The following TP53BP1 variants were observed in gnomAD, a reference collection of about 807,000 sequenced individuals.
TP53BP1 encodes TP53-binding protein 1.
Under a neutral mutation model 200.8 loss-of-function variants are expected in TP53BP1, and 61 were observed. That is an observed-to-expected ratio of 0.30 (90% confidence interval 0.25 to 0.38). TP53BP1 has a LOEUF of 0.38. Ranked by LOEUF, TP53BP1 falls within the 10% of genes least tolerant of loss-of-function variation. The probability of loss-of-function intolerance (pLI) is 1.00; values close to 1 mark genes in which losing one functional copy is unlikely to be tolerated. For synonymous variants in TP53BP1, 822 were observed against 844.3 expected (o/e 0.97, Z 0.46); for missense variants, 2,144 against 2,371.9 (o/e 0.90, Z 2.00).
chr15:43,479,851 T>C lies in TP53BP1; in HGVS notation c.658+8A>G, dbSNP rs1227092885. ...ACAACTCCAAATGCCAGAAAACATG[T>C]TTCATACCAGTATTAGCATCCACAT... On this transcript the variant is annotated splice_region_variant and intron_variant, in intron 6 of 27. Coordinates refer to ENST00000382044, the MANE Select transcript of TP53BP1 (RefSeq NM_001141980.3). The C allele has an allele frequency of 6.2e-7, 1 of 1,613,972 alleles. No homozygotes were observed. Among genetic ancestry groups the C allele is most frequent in the Admixed American group, 1.7e-5 (1 of 59,996 alleles).
chr15:43,476,738 G>A (rs554194033), intron 8 of TP53BP1, among the ~76,000 whole-genome samples: 2 of 152,232 alleles, frequency 1.3e-5, no homozygotes, highest in African/African-American at 4.8e-5. Flanking sequence ...TTCCCTTCCC[G>A]CCTTACAACC....
chr15:43,408,959 C>T lies in TP53BP1; in HGVS notation c.5538G>A (p.Gln1846=). 1.9e-6 allele frequency: 3 copies of T among 1,614,164 alleles called. No individual in the cohort carries two copies. Among genetic ancestry groups the T allele is most frequent in the Non-Finnish European group, 2.5e-6 (3 of 1,180,030 alleles). The change falls in exon 26 of 28, where the codon CAG becomes CAA. Residue 1846 remains glutamine (Q), a synonymous_variant. Transcript: ENST00000382044. ...CTGGCAACAGATAATTACGGTAGTTCTGGAGCTGGTTGGCATGGCAACTAT... is the reference window on the plus strand; with the variant it reads ...CTGGCAACAGATAATTACGGTAGTTTTGGAGCTGGTTGGCATGGCAACTAT... The part of the protein sequence containing the change: ...VHDSCHANQL[Q]NYRNYLLPAG...
intron 23 of TP53BP1, chr15:43,414,198 C>G (rs148402971): frequency 3.9e-5 from 17 of 436,948 alleles, no homozygotes; most frequent in African/African-American, 3.5e-4. Context: ...GAAGTGAAGA[C>G]CACCAAAGTT....
chr15:43,413,363 A>G, intron 23 of TP53BP1, 29 bp from the exon 24 acceptor site: 1 of 1,591,058 alleles, frequency 6.3e-7, no homozygotes, highest in Non-Finnish European at 8.6e-7. Flanking sequence ...CAGTTACTAG[A>G]GGGATACACA....
intron 12 of TP53BP1, among the ~76,000 whole-genome samples, chr15:43,451,941 C>A (rs1472888169): frequency 6.6e-6 from 1 of 152,166 alleles, no homozygotes; most frequent in African/African-American, 2.4e-5. Flanking sequence ...TCGAGACCAG[C>A]CTGGCCAACA....
chr15:43,504,961 A>G (rs1018668399), intron 1 of TP53BP1, among the ~76,000 whole-genome samples: 1 of 152,198 alleles, frequency 6.6e-6, no homozygotes, highest in East Asian at 1.9e-4. Context: ...CGGAGGTTGC[A>G]GTGAGCCGAG....
At chr15:43,451,412 T>C (rs1488789704) in intron 12 of TP53BP1, among the ~76,000 whole-genome samples, 1 of 149,294 alleles carries the variant, frequency 6.7e-6, no homozygotes, top group African/African-American at 2.5e-5. Context: ...TCTATTCCCA[T>C]CTATGAGTGA....
chr15:43,482,762 C>T (rs1198686306), intron 4 of TP53BP1, among the ~76,000 whole-genome samples: 4 of 151,022 alleles, frequency 2.6e-5, no homozygotes, highest in Non-Finnish European at 5.9e-5. Flanking sequence ...GGCGAGACTC[C>T]GTCTCAAAAA....
intron 11 of TP53BP1, among the ~76,000 whole-genome samples, chr15:43,468,822 G>C (rs1259912140): frequency 2.0e-5 from 3 of 152,184 alleles, no homozygotes; most frequent in African/African-American, 7.2e-5. Context: ...ACAGAGCCAG[G>C]AGCGAGTCCA....
At chr15:43,410,858 T>C (rs776156171) in intron 24 of TP53BP1, among the ~76,000 whole-genome samples, 2 of 152,190 alleles carry the variant, frequency 1.3e-5, no homozygotes, top group Non-Finnish European at 2.9e-5. Flanking sequence ...AGCCAACCTA[T>C]TCACTTTTAC....
At chr15:43,502,755 T>C (rs1385475106) in intron 1 of TP53BP1, among the ~76,000 whole-genome samples, 1 of 149,748 alleles carries the variant, frequency 6.7e-6, no homozygotes, top group Non-Finnish European at 1.5e-5. Flanking sequence ...CACCGTGCCC[T>C]GCCATTTGTT....
intron 1 of TP53BP1, among the ~76,000 whole-genome samples, chr15:43,492,810 T>C (rs1231822205): frequency 7.8e-6 from 1 of 127,400 alleles, no homozygotes; most frequent in African/African-American, 3.0e-5. Context: ...CCCAAAAGAA[T>C]GTTTTCTAAA....
Position 43,485,197 on chromosome 15 carries a change from C to T in TP53BP1, c.372-4175G>A, listed in dbSNP as rs2079028471. Among the ~76,000 whole-genome samples, 3 of 152,146 alleles carry T rather than the reference C, an allele frequency of 2.0e-5. No individual in the cohort carries two copies. The South Asian group carries it at 6.2e-4, about 31-fold the overall frequency. On this transcript the variant is annotated intron_variant, in intron 4 of 27. Transcript: ENST00000382044. The stretch of plus-strand genomic sequence containing the variant: ...GCTATACCCTACACAAGAATGTAAG[C>T]TACATTAAGGTCTAGGATTTTTATT...
At chr15:43,461,738 C>T (rs1251554831) in intron 11 of TP53BP1, among the ~76,000 whole-genome samples, 5 of 151,460 alleles carry the variant, frequency 3.3e-5, no homozygotes, top group Admixed American at 6.6e-5. Flanking sequence ...GCACCATCTC[C>T]GCTCACTGCA....
Position 43,404,345 on chromosome 15 carries a change from G to GC in TP53BP1, c.*3037dup. 6.3e-7 allele frequency: 1 copy of GC among 1,582,292 alleles called. No individual in the cohort carries two copies. Among genetic ancestry groups the GC allele is most frequent in the Non-Finnish European group, 8.6e-7 (1 of 1,160,346 alleles). ...GCTTTTCCAAGAAACTCCTCCCTCC[G>GC]CCCCCATCCTCCATATGGAGAGTTG... is the stretch of plus-strand genomic sequence containing the variant. On this transcript the variant is annotated 3_prime_UTR_variant, in exon 28 of 28. Transcript: ENST00000382044.
intron 24 of TP53BP1, among the ~76,000 whole-genome samples, chr15:43,412,059 T>G (rs1403861813): frequency 6.6e-6 from 1 of 152,150 alleles, no homozygotes; most frequent in Non-Finnish European, 1.5e-5. Flanking sequence ...CCTATCTGAT[T>G]GTTTGACAAG....
intron 20 of TP53BP1, 114 bp from the exon 21 acceptor site, chr15:43,420,849 C>T (rs2045379418): frequency 1.6e-6 from 2 of 1,288,716 alleles, no homozygotes; most frequent in African/African-American, 1.5e-5. Context: ...TCTTTAAAAA[C>T]CCCATCACAG....
At position 43,419,536 on chromosome 15, in the gene TP53BP1, CTTTTTTTTTT is replaced by C. The variant is rs34159488; in HGVS notation, c.4681+759_4681+768del. 5.6e-3 allele frequency among the ~76,000 whole-genome samples: 409 copies of C among 73,412 alleles called. 1 individual carries two copies. The highest frequency in any genetic ancestry group is 0.036 in the Middle Eastern group (4 of 110). The allele number at this position is 73,412 out of a possible 152,430, so 48.2% of individuals were successfully genotyped here. On this transcript the variant is annotated intron_variant, in intron 21 of 27. Coordinates refer to ENST00000382044, the MANE Select transcript of TP53BP1 (RefSeq NM_001141980.3). Reference sequence around the variant, plus strand: ...CCCCATGCCCAGCTAATTTATGTTCCTTTTTTTTTTTTTTTTTTTTTTTTTTTTGAGAGAC... The same window carrying C: ...CCCCATGCCCAGCTAATTTATGTTCCTTTTTTTTTTTTTTTTTTGAGAGAC...
rs1316454427 is a variant in TP53BP1, at chr15:43,408,984, T to A, written c.5513A>T (p.Asp1838Val). The stretch of plus-strand genomic sequence containing the variant: ...CTGGAGCTGGTTGGCATGGCAACTA[T>A]CATGGACCCAGACATGAGACACACA... ...IPCVSHVWVH[D>V]SCHANQLQNY... The change falls in exon 26 of 28, where the codon GAT (aspartate) becomes GTT (valine). Residue 1838 changes from aspartate (D) to valine (V), a missense_variant. Asp to Val is a radical substitution (Grantham distance 152). Around this residue, in one of 4 missense-constraint regions of TP53BP1, gnomAD observed 334 missense variants for 453.4 expected, o/e 0.74. Coordinates refer to ENST00000382044, the MANE Select transcript of TP53BP1 (RefSeq NM_001141980.3). 1.9e-6 allele frequency: 3 copies of A among 1,614,076 alleles called. No homozygotes were observed. Among genetic ancestry groups the A allele is most frequent in the Non-Finnish European group, 2.5e-6 (3 of 1,180,040 alleles).
Sources: allele counts gnomAD v4.1 joint callset (sites outside exome capture counted in the v4.1 genomes callset), GRCh38; gene constraint gnomAD v4.1.1; regional missense constraint gnomAD v4.1.1; transcripts MANE v1.5; gene names NCBI Gene and HGNC (gene_info 2026-07-23, HGNC 2026-07-21).